The following NFIB variants were observed in gnomAD, a reference collection of about 807,000 sequenced individuals.
NFIB encodes nuclear factor I B.
In NFIB, 11 loss-of-function variants were observed where a neutral mutation model predicts 61.5. That is an observed-to-expected ratio of 0.18 (90% CI 0.11 to 0.30). The LOEUF (loss-of-function observed/expected upper bound fraction) is 0.30, where lower values mean the gene tolerates loss of function less well. Ranked by LOEUF, NFIB falls within the 10% of genes least tolerant of loss-of-function variation. The pLI, the probability that NFIB is intolerant of heterozygous loss-of-function variation, is 1.00. For missense variants in NFIB, 471 were observed against 608.9 expected (o/e 0.77, Z 2.38); for synonymous variants, 260 against 216.5 (o/e 1.20, Z -1.76).
At chr9:14,464,007 C>A in the NFIB span, among the ~76,000 whole-genome samples, 2 of 152,140 alleles carry the variant, frequency 1.3e-5, no homozygotes, top group Non-Finnish European at 2.9e-5. Context: ...TCTGAGGCTG[C>A]TTGTAACATG....
upstream of NFIB, chr9:14,314,182 G>A (rs1274416545): frequency 1.2e-6 from 1 of 823,890 alleles, no homozygotes; most frequent in Non-Finnish European, 1.5e-6. Flanking sequence ...GCCGGGGTGG[G>A]GGCGGGGTGG....
intron 1 of NFIB, among the ~76,000 whole-genome samples, chr9:14,390,463 A>G (rs1388076450): frequency 6.6e-6 from 1 of 152,238 alleles, no homozygotes; most frequent in Admixed American, 6.5e-5. Flanking sequence ...AGGGTAAACT[A>G]AAAGAGTAAA....
At chr9:14,126,378 A>C (rs186593029) in intron 6 of NFIB, among the ~76,000 whole-genome samples, 10 of 152,322 alleles carry the variant, frequency 6.6e-5, no homozygotes, top group Non-Finnish European at 1.3e-4. Context: ...TGATTAGAAG[A>C]AAATGGTTGT....
chr9:14,398,780 A>T, exon 1 of NFIB: 1 of 570,854 alleles, frequency 1.8e-6, no homozygotes, highest in Non-Finnish European at 3.0e-6. Flanking sequence ...TTTGAGGGTG[A>T]CTGATGGATC....
chr9:14,486,744 A>T, the NFIB span, among the ~76,000 whole-genome samples: 2 of 152,170 alleles, frequency 1.3e-5, no homozygotes, highest in Non-Finnish European at 2.9e-5. Context: ...AGTGTGTATA[A>T]GACAGACCAC....
At chr9:14,304,546 G>A (rs562093920) in intron 2 of NFIB, among the ~76,000 whole-genome samples, 49 of 152,222 alleles carry the variant, frequency 3.2e-4, no homozygotes, top group Non-Finnish European at 4.3e-4. Flanking sequence ...CATTCTCTCT[G>A]TTCTTTCTCA....
At chr9:14,357,433 C>T (rs2061188479) in intron 1 of NFIB, 1 of 152,258 alleles carries the variant, frequency 6.6e-6, no homozygotes, top group African/African-American at 2.4e-5. Context: ...TTCAGTCACC[C>T]CTGTGCAGTG....
At chr9:14,229,740 G>A (rs1043992300) in intron 2 of NFIB, among the ~76,000 whole-genome samples, 1 of 152,130 alleles carries the variant, frequency 6.6e-6, no homozygotes, top group African/African-American at 2.4e-5. Context: ...CCCTCACTGA[G>A]CCAACCATCT....
At chr9:14,167,198 G>C (rs542864184) in intron 3 of NFIB, among the ~76,000 whole-genome samples, 6 of 152,066 alleles carry the variant, frequency 3.9e-5, no homozygotes, top group Admixed American at 3.9e-4. Context: ...TTTGGGATTA[G>C]AGGAAACGTC....
intron 2 of NFIB, chr9:14,305,822 G>C (rs2059988898): frequency 2.8e-6 from 1 of 351,760 alleles, no homozygotes; most frequent in Admixed American, 4.9e-5. Context: ...TCAGGTAACA[G>C]TCTGTCACCT....
At chr9:14,391,537 C>G (rs1245652138) in intron 1 of NFIB, among the ~76,000 whole-genome samples, 1 of 152,024 alleles carries the variant, frequency 6.6e-6, no homozygotes, top group Non-Finnish European at 1.5e-5. Flanking sequence ...TGAGCAGGCT[C>G]AAGCATGTGC....
intron 2 of NFIB, among the ~76,000 whole-genome samples, chr9:14,197,969 T>C (rs2048635763): frequency 6.6e-6 from 1 of 152,116 alleles, no homozygotes; most frequent in Non-Finnish European, 1.5e-5. Flanking sequence ...TGGACAATTT[T>C]ACATGAAAAG....
intron 2 of NFIB, among the ~76,000 whole-genome samples, chr9:14,283,263 A>G (rs979702092): frequency 6.6e-6 from 1 of 152,224 alleles, no homozygotes; most frequent in African/African-American, 2.4e-5. Flanking sequence ...CGCATCAGCC[A>G]TTCTTAAAGG....
intron 2 of NFIB, among the ~76,000 whole-genome samples, chr9:14,219,830 T>C (rs1310589094): frequency 6.6e-6 from 1 of 152,242 alleles, no homozygotes; most frequent in Non-Finnish European, 1.5e-5. Flanking sequence ...ATTAAAGCTA[T>C]GGTGAATAAA....
chr9:14,487,514 T>C, the NFIB span, among the ~76,000 whole-genome samples: 37 of 152,282 alleles, frequency 2.4e-4, no homozygotes, highest in South Asian at 7.5e-3. Context: ...TAAATGGCCA[T>C]AGTGTGGGAT....
At chr9:14,220,549 G>C (rs1364610949) in intron 2 of NFIB, among the ~76,000 whole-genome samples, 2 of 152,232 alleles carry the variant, frequency 1.3e-5, no homozygotes, top group Non-Finnish European at 1.5e-5. Flanking sequence ...GGGAGCCCCA[G>C]TTTCTTCTCT....
At chr9:14,378,389 G>A (rs532079270) in intron 1 of NFIB, among the ~76,000 whole-genome samples, 7 of 151,804 alleles carry the variant, frequency 4.6e-5, no homozygotes, top group Admixed American at 2.6e-4. Flanking sequence ...ATGGAGTCTC[G>A]CTCTGTCACC....
chr9:14,204,673 C>T (rs1407722954), intron 2 of NFIB: 1 of 638,394 alleles, frequency 1.6e-6, no homozygotes, highest in Non-Finnish European at 2.8e-6. Flanking sequence ...TTAACACCAT[C>T]ACCACCTTGG....
chr9:14,391,621 A>G (rs2133033776), intron 1 of NFIB, among the ~76,000 whole-genome samples: 1 of 152,252 alleles, frequency 6.6e-6, no homozygotes, highest in African/African-American at 2.4e-5. Flanking sequence ...GCCTCGAGTG[A>G]GCACACGTAC....
Sources: gnomAD v4.1 joint callset for allele counts (sites outside exome capture counted in the v4.1 genomes callset) on GRCh38, gnomAD v4.1.1 for gene constraint, MANE v1.5 for transcripts, NCBI Gene and HGNC (gene_info 2026-07-23, HGNC 2026-07-21) for gene names.